LRRC8B: variants seen among roughly 807,000 people sequenced by gnomAD.
LRRC8B encodes the protein volume-regulated anion channel subunit LRRC8B.
LRRC8B carries 23 observed loss-of-function variants against 58.8 expected under a neutral mutation model. The ratio of observed to expected loss-of-function variants is 0.39; its 90% CI spans 0.28 to 0.55. The LOEUF (loss-of-function observed/expected upper bound fraction) is 0.55. Among genes scored for constraint, LRRC8B ranks in the 20% least tolerant of loss-of-function variants. LRRC8B has a pLI of 0.62. For missense variants in LRRC8B, 694 were observed against 936.0 expected (o/e 0.74, Z 3.37); for synonymous variants, 359 against 374.1 (o/e 0.96, Z 0.47).
At position 89,545,882 on chromosome 1, in the gene LRRC8B, A is replaced by G. The variant is rs546247377; in HGVS notation, c.-241+20860A>G. 5.3e-5 allele frequency among the ~76,000 whole-genome samples: 8 copies of G among 152,352 alleles called. No individual in the cohort carries two copies. The South Asian group carries it at 1.4e-3, about 28-fold the overall frequency. ...ACGGGAAATGTTTGAGCAGAGGTGT[A>G]TAGGAAAGAATGTATGCAGTACTGA... On this transcript the variant is annotated intron_variant, in intron 1 of 5. Coordinates refer to ENST00000330947, the MANE Select transcript of LRRC8B (RefSeq NM_001369817.2).
At chr1:89,541,998 A>C (rs1651034848) in intron 1 of LRRC8B, among the ~76,000 whole-genome samples, 1 of 152,210 alleles carries the variant, frequency 6.6e-6, no homozygotes, top group African/African-American at 2.4e-5. Context: ...TTCACAGATT[A>C]AAATTTTTTA....
chr1:89,585,978 G>T (rs1654597965), intron 5 of LRRC8B, among the ~76,000 whole-genome samples: 2 of 152,126 alleles, frequency 1.3e-5, no homozygotes. Flanking sequence ...AAAATTGGGG[G>T]ATGAGAGCAA....
intron 5 of LRRC8B, among the ~76,000 whole-genome samples, chr1:89,587,348 A>G (rs1654694359): frequency 6.6e-6 from 1 of 152,174 alleles, no homozygotes; most frequent in African/African-American, 2.4e-5. Context: ...AGCCTGGCCA[A>G]TATGGTGAAA....
intron 4 of LRRC8B, among the ~76,000 whole-genome samples, chr1:89,582,042 G>A (rs1654264488): frequency 6.6e-6 from 1 of 152,044 alleles, no homozygotes. Context: ...TTCAGACATG[G>A]GACAAGGTGT....
intron 1 of LRRC8B, among the ~76,000 whole-genome samples, chr1:89,550,273 A>G (rs991020534): frequency 5.9e-5 from 9 of 152,208 alleles, no homozygotes; most frequent in Non-Finnish European, 1.2e-4. Flanking sequence ...TCATCTGGAC[A>G]ATTGATCTAT....
chr1:89,541,808 T>C (rs1228890194), intron 1 of LRRC8B, among the ~76,000 whole-genome samples: 1 of 140,560 alleles, frequency 7.1e-6, no homozygotes, highest in Non-Finnish European at 1.5e-5. Context: ...GTAGGCAGGA[T>C]AAGAGTTCAG....
At position 89,559,372 on chromosome 1, in the gene LRRC8B, C is replaced by T. The variant is rs567626949; in HGVS notation, c.-240-8875C>T. Among the ~76,000 whole-genome samples the T allele has an allele frequency of 3.3e-5, 5 of 151,988 alleles. No homozygotes were observed. In the South Asian group the frequency reaches 6.3e-4, roughly 19 times the overall value. On this transcript the variant is annotated intron_variant, in intron 1 of 5. Coordinates refer to ENST00000330947, the MANE Select transcript of LRRC8B (RefSeq NM_001369817.2). Reference sequence around the variant, plus strand: ...TAAAATTAGTACTTCCTGCCGGGTGCGGTGGCTCATGCCTGTAATCCCAGC... The same window carrying T: ...TAAAATTAGTACTTCCTGCCGGGTGTGGTGGCTCATGCCTGTAATCCCAGC...
At chr1:89,573,215 G>A (rs944521518) in intron 3 of LRRC8B, among the ~76,000 whole-genome samples, 12 of 151,898 alleles carry the variant, frequency 7.9e-5, no homozygotes, top group African/African-American at 2.9e-4. Flanking sequence ...CAGGAGAAGG[G>A]TGTGAACCTG....
At chr1:89,582,496 T>C in intron 4 of LRRC8B, 129 bp from the exon 5 acceptor site, 1 of 618,330 alleles carries the variant, frequency 1.6e-6, no homozygotes, top group East Asian at 2.7e-5. Flanking sequence ...CTTAATCAGC[T>C]CTTCCTTTTA....
intron 1 of LRRC8B, among the ~76,000 whole-genome samples, chr1:89,560,182 G>A (rs1269615004): frequency 6.6e-6 from 1 of 152,152 alleles, no homozygotes; most frequent in Non-Finnish European, 1.5e-5. Context: ...ACACCTAGTT[G>A]GGTATTCATT....
At position 89,595,152 on chromosome 1, in the gene LRRC8B, A is replaced by G. The variant is rs1237587491; in HGVS notation, c.*2109A>G. ...ACGGAAAGGAACAGTGTAAAAATAA[A>G]CTACTTACCAAAACTTGCCTTTAGT... On this transcript the variant is annotated 3_prime_UTR_variant, in exon 6 of 6. Coordinates refer to ENST00000330947, the MANE Select transcript of LRRC8B (RefSeq NM_001369817.2). The G allele has an allele frequency of 1.3e-5, 2 of 152,180 alleles. No individual in the cohort carries two copies. The highest frequency in any genetic ancestry group is 4.8e-5 in the African/African-American group (2 of 41,456). 9.4% of individuals were successfully genotyped at this position (152,180 alleles called of 1,614,324 possible).
chr1:89,540,102 T>TAAA (rs1188590185), intron 1 of LRRC8B, among the ~76,000 whole-genome samples: 1 of 152,248 alleles, frequency 6.6e-6, no homozygotes, highest in Non-Finnish European at 1.5e-5. Context: ...TACCTAAGAT[T>TAAA]AAATAAAGTG....
intron 1 of LRRC8B, among the ~76,000 whole-genome samples, chr1:89,531,913 T>A (rs1384022269): frequency 1.3e-5 from 2 of 152,170 alleles, no homozygotes; most frequent in Admixed American, 1.3e-4. Context: ...TGGCCAGTGG[T>A]GCCCTAAGGT....
chr1:89,564,466 CTG>C (rs1652898262), intron 1 of LRRC8B, among the ~76,000 whole-genome samples: 1 of 152,156 alleles, frequency 6.6e-6, no homozygotes, highest in Non-Finnish European at 1.5e-5. Context: ...TTAGTCAGCT[CTG>C]TTGTGAATGC....
chr1:89,533,536 G>A (rs998222961), intron 1 of LRRC8B, among the ~76,000 whole-genome samples: 1 of 152,060 alleles, frequency 6.6e-6, no homozygotes, highest in South Asian at 2.1e-4. Flanking sequence ...CTCCATTAAA[G>A]CATACCTTTT....
intron 1 of LRRC8B, among the ~76,000 whole-genome samples, chr1:89,540,545 T>G (rs1650882575): frequency 6.6e-6 from 1 of 152,152 alleles, no homozygotes; most frequent in African/African-American, 2.4e-5. Context: ...GTGACACGAA[T>G]GAAAGAACAA....
intron 1 of LRRC8B, among the ~76,000 whole-genome samples, chr1:89,533,358 G>T (rs1251903052): frequency 1.3e-5 from 2 of 152,128 alleles, no homozygotes; most frequent in African/African-American, 2.4e-5. Context: ...TGTCCCCAGT[G>T]CATGTCCCAT....
chr1:89,536,595 C>T (rs1650556581), intron 1 of LRRC8B, among the ~76,000 whole-genome samples: 1 of 152,020 alleles, frequency 6.6e-6, no homozygotes, highest in Admixed American at 6.5e-5. Context: ...TTGCATGAAG[C>T]ATATATGCTA....
At chr1:89,530,829 G>C in intron 1 of LRRC8B, among the ~76,000 whole-genome samples, 1 of 152,150 alleles carries the variant, frequency 6.6e-6, no homozygotes. Flanking sequence ...ATGGCAGGGG[G>C]TGCTATTGAC....
Sources: gnomAD v4.1 joint callset for allele counts (sites outside exome capture counted in the v4.1 genomes callset) on GRCh38, gnomAD v4.1.1 for gene constraint, MANE v1.5 for transcripts, NCBI Gene and HGNC (gene_info 2026-07-23, HGNC 2026-07-21) for gene names.